The following CTNNA2 variants were observed in gnomAD, a reference collection of about 807,000 sequenced individuals.
CTNNA2 encodes catenin alpha 2.
A neutral mutation model predicts 101.0 loss-of-function variants in CTNNA2; 42 were observed. The ratio of observed to expected loss-of-function variants is 0.42; its 90% CI spans 0.32 to 0.54. CTNNA2 has a LOEUF of 0.54. Among genes scored for constraint, CTNNA2 ranks in the 20% least tolerant of loss-of-function variants. CTNNA2 has a pLI of 0.14. For missense variants in CTNNA2, 871 were observed against 1,223.1 expected, an observed-to-expected ratio of 0.71 and a Z score of 4.29; for synonymous variants, 450 against 456.4, an observed-to-expected ratio of 0.99 and a Z score of 0.18.
chr2:79,273,893 C>A (rs1675145353), intron 2 of CTNNA2, among the ~76,000 whole-genome samples: 1 of 151,820 alleles, frequency 6.6e-6, no homozygotes, highest in Non-Finnish European at 1.5e-5. Flanking sequence ...ACAATTCATG[C>A]CTTGTCACCT....
chr2:79,912,186 C>T (rs1383797352), intron 7 of CTNNA2, among the ~76,000 whole-genome samples: 1 of 152,192 alleles, frequency 6.6e-6, no homozygotes, highest in East Asian at 1.9e-4. Context: ...ACTGACATTT[C>T]TGTTTTCTAA....
chr2:79,365,463 A>AT (rs1213886990), intron 3 of CTNNA2, among the ~76,000 whole-genome samples: 21 of 149,360 alleles, frequency 1.4e-4, no homozygotes, highest in South Asian at 4.3e-4. Context: ...ATCTCTACAA[A>AT]TTTTTTTTTT....
At chr2:79,341,877 G>C (rs1038215735) in intron 3 of CTNNA2, among the ~76,000 whole-genome samples, 3 of 152,172 alleles carry the variant, frequency 2.0e-5, no homozygotes, top group African/African-American at 7.2e-5. Context: ...ATAATAAGTT[G>C]TCCTTCAGGT....
intron 7 of CTNNA2, among the ~76,000 whole-genome samples, chr2:80,026,411 A>G (rs1175384148): frequency 6.6e-6 from 1 of 152,188 alleles, no homozygotes; most frequent in African/African-American, 2.4e-5. Flanking sequence ...ATCTTCCTCT[A>G]TTCTGTAGAG....
At chr2:79,386,850 G>C (rs1398070804) in intron 4 of CTNNA2, among the ~76,000 whole-genome samples, 1 of 152,134 alleles carries the variant, frequency 6.6e-6, no homozygotes, top group Non-Finnish European at 1.5e-5. Context: ...TTCTTAACAG[G>C]CAGCAGAATC....
intron 2 of CTNNA2, among the ~76,000 whole-genome samples, chr2:79,306,257 G>T (rs568781470): frequency 9.2e-5 from 14 of 152,220 alleles, no homozygotes; most frequent in Admixed American, 4.6e-4. Context: ...GAACATTTCA[G>T]TTAGACAGGA....
At chr2:79,622,551 T>C (rs1558778798) in intron 1 of CTNNA2, among the ~76,000 whole-genome samples, 1 of 152,232 alleles carries the variant, frequency 6.6e-6, no homozygotes, top group African/African-American at 2.4e-5. Flanking sequence ...GAAAACATTA[T>C]TTTTCAATTG....
intron 1 of CTNNA2, among the ~76,000 whole-genome samples, chr2:79,637,144 G>A (rs1004485110): frequency 6.6e-6 from 1 of 152,196 alleles, no homozygotes; most frequent in Non-Finnish European, 1.5e-5. Flanking sequence ...GAGAAGGGAA[G>A]TATAGAATGT....
chr2:80,433,778 C>G (rs917082842), intron 9 of CTNNA2, among the ~76,000 whole-genome samples: 3 of 152,164 alleles, frequency 2.0e-5, no homozygotes, highest in African/African-American at 7.2e-5. Context: ...AGAAACCTTT[C>G]AAACGGTTAT....
chr2:79,271,024 T>C (rs1003321167), intron 2 of CTNNA2, among the ~76,000 whole-genome samples: 1 of 151,942 alleles, frequency 6.6e-6, no homozygotes, highest in Non-Finnish European at 1.5e-5. Flanking sequence ...GCAAAATAAG[T>C]CTGTATAGTC....
chr2:79,242,091 A>G (rs544436473), intron 2 of CTNNA2, among the ~76,000 whole-genome samples: 6 of 152,142 alleles, frequency 3.9e-5, no homozygotes, highest in Admixed American at 2.0e-4. Context: ...ATTTTTTAGT[A>G]GAGACGGGGT....
chr2:79,804,686 T>TA (rs1676431971), intron 3 of CTNNA2, among the ~76,000 whole-genome samples: 1 of 152,078 alleles, frequency 6.6e-6, no homozygotes, highest in Non-Finnish European at 1.5e-5. Context: ...AATGAGAAAA[T>TA]ATACATAAGT....
At chr2:80,314,647 G>A (rs151132811) in intron 7 of CTNNA2, among the ~76,000 whole-genome samples, 118 of 152,326 alleles carry the variant, frequency 7.7e-4, no homozygotes, top group African/African-American at 2.4e-3. Flanking sequence ...CTGACCATGA[G>A]TGAAGCTGCA....
chr2:79,695,311 T>C (rs1380476579), intron 2 of CTNNA2, among the ~76,000 whole-genome samples: 2 of 151,968 alleles, frequency 1.3e-5, no homozygotes, highest in Non-Finnish European at 2.9e-5. Context: ...TTTAGTTTCA[T>C]TTAAAGTAGA....
intron 12 of CTNNA2, among the ~76,000 whole-genome samples, chr2:80,559,891 T>TATATATATATATATATACACACACAC (rs1553387588): frequency 1.4e-5 from 2 of 146,818 alleles, no homozygotes; most frequent in African/African-American, 5.2e-5. Context: ...TATATATATA[T>TATATATATATATATATACACACACAC]ACACACACAT....
chr2:80,162,249 T>G (rs963514690), intron 7 of CTNNA2, among the ~76,000 whole-genome samples: 2 of 152,208 alleles, frequency 1.3e-5, no homozygotes, highest in African/African-American at 4.8e-5. Flanking sequence ...TTCCTCTTCA[T>G]AAAACCCTGA....
At chr2:80,202,537 T>C (rs1707271445) in intron 7 of CTNNA2, among the ~76,000 whole-genome samples, 1 of 152,198 alleles carries the variant, frequency 6.6e-6, no homozygotes, top group South Asian at 2.1e-4. Flanking sequence ...ATAGCAAACC[T>C]TGATAATCAG....
At chr2:79,700,438 G>A (rs1684928235) in intron 2 of CTNNA2, among the ~76,000 whole-genome samples, 1 of 152,068 alleles carries the variant, frequency 6.6e-6, no homozygotes, top group South Asian at 2.1e-4. Flanking sequence ...TCAGGCTTCA[G>A]TAGTTAGTTA....
At chr2:79,820,975 A>C (rs1293843620) in intron 3 of CTNNA2, among the ~76,000 whole-genome samples, 1 of 152,170 alleles carries the variant, frequency 6.6e-6, no homozygotes, top group African/African-American at 2.4e-5. Flanking sequence ...TTTTTAATCA[A>C]TATGTTTATA....
Sources: allele counts gnomAD v4.1 joint callset (sites outside exome capture counted in the v4.1 genomes callset), GRCh38; gene constraint gnomAD v4.1.1; transcripts MANE v1.5; gene names NCBI Gene and HGNC (gene_info 2026-07-23, HGNC 2026-07-21).